The following L3MBTL3 variants were observed in gnomAD, a reference collection of about 807,000 sequenced individuals.
The protein encoded by L3MBTL3 is lethal(3)malignant brain tumor-like protein 3.
Under a neutral mutation model 102.3 loss-of-function variants are expected in L3MBTL3, and 27 were observed. The observed-to-expected ratio is 0.26, with a 90% CI of 0.19 to 0.36. The LOEUF is 0.36. Among genes scored for constraint, L3MBTL3 ranks in the 10% least tolerant of loss-of-function variants. The pLI, the probability that L3MBTL3 is intolerant of heterozygous loss-of-function variation, is 1.00. For missense variants in L3MBTL3, 798 were observed against 955.3 expected (o/e 0.84, Z 2.17); for synonymous variants, 340 against 320.9 (o/e 1.06, Z -0.64).
intron 3 of L3MBTL3, among the ~76,000 whole-genome samples, chr6:130,047,995 A>G (rs1780831799): frequency 1.3e-5 from 2 of 152,206 alleles, no homozygotes; most frequent in Admixed American, 1.3e-4. Flanking sequence ...ACATTCTCAC[A>G]TTCCTTAACC....
intron 18 of L3MBTL3, among the ~76,000 whole-genome samples, chr6:130,098,773 AG>A (rs1784506210): frequency 6.6e-6 from 1 of 151,804 alleles, no homozygotes; most frequent in African/African-American, 2.4e-5. Context: ...AATTCAACCC[AG>A]GCTTGTAAGG....
intron 7 of L3MBTL3, chr6:130,054,970 C>T (rs749386422): frequency 8.6e-5 from 45 of 521,808 alleles, no homozygotes; most frequent in Non-Finnish European, 1.3e-4. Flanking sequence ...ACCGGTAACA[C>T]GTGGATACAG....
chr6:130,027,323 A>G (rs1183588637), intron 2 of L3MBTL3, among the ~76,000 whole-genome samples: 1 of 152,202 alleles, frequency 6.6e-6, no homozygotes, highest in Non-Finnish European at 1.5e-5. Flanking sequence ...ATAGCTTTAT[A>G]TTACATAAAT....
chr6:130,046,888 T>C (rs1182852420), intron 3 of L3MBTL3, among the ~76,000 whole-genome samples: 1 of 152,246 alleles, frequency 6.6e-6, no homozygotes, highest in African/African-American at 2.4e-5. Flanking sequence ...TCTGGAATTC[T>C]GTCTGTAGGA....
intron 22 of L3MBTL3, among the ~76,000 whole-genome samples, chr6:130,136,427 C>T (rs1787667775): frequency 6.6e-6 from 1 of 152,098 alleles, no homozygotes; most frequent in African/African-American, 2.4e-5. Context: ...CAGGCTTGCT[C>T]CCGCTCCTCC....
intron 19 of L3MBTL3, among the ~76,000 whole-genome samples, chr6:130,120,621 A>G (rs550840891): frequency 9.8e-5 from 15 of 152,366 alleles, no homozygotes; most frequent in South Asian, 2.1e-4. Flanking sequence ...CAATAGCTAC[A>G]TTTTCCAGAA....
chr6:130,066,559 G>A, intron 11 of L3MBTL3, 71 bp downstream of exon 11: 1 of 1,351,944 alleles, frequency 7.4e-7, no homozygotes, highest in South Asian at 1.3e-5. Context: ...CATTAGAATT[G>A]TTAAGAATTC....
chr6:130,079,659 T>C (rs1562292899), intron 14 of L3MBTL3, among the ~76,000 whole-genome samples: 1 of 152,142 alleles, frequency 6.6e-6, no homozygotes, highest in Non-Finnish European at 1.5e-5. Flanking sequence ...CTGGGTTTAC[T>C]AGGAGCTGTT....
At chr6:130,135,050 A>G (rs1787478616) in intron 22 of L3MBTL3, among the ~76,000 whole-genome samples, 1 of 147,932 alleles carries the variant, frequency 6.8e-6, no homozygotes, top group South Asian at 2.1e-4. Flanking sequence ...TGATACTCTC[A>G]ATTCATTTTC....
chr6:130,134,350 T>C (rs1787386695), intron 22 of L3MBTL3, among the ~76,000 whole-genome samples: 1 of 152,330 alleles, frequency 6.6e-6, no homozygotes, highest in South Asian at 2.1e-4. Context: ...ATTAGCATTA[T>C]GTCTAAAAAA....
intron 1 of L3MBTL3, among the ~76,000 whole-genome samples, chr6:130,020,106 G>T (rs953612376): frequency 4.6e-5 from 7 of 151,102 alleles, no homozygotes; most frequent in African/African-American, 1.5e-4. Flanking sequence ...GAGGAAAAGA[G>T]GGGTCGGGGC....
chr6:130,071,559 A>G (rs1782644165), intron 13 of L3MBTL3, among the ~76,000 whole-genome samples: 2 of 152,026 alleles, frequency 1.3e-5, no homozygotes, highest in African/African-American at 4.8e-5. Flanking sequence ...ATATAATTAT[A>G]AAATAATTAT....
At position 130,133,410 on chromosome 6, in the gene L3MBTL3, C is replaced by G; in HGVS notation, c.1967-42C>G. 6.2e-7 allele frequency: 1 copy of G among 1,600,784 alleles called. No individual in the cohort carries two copies. The highest frequency in any genetic ancestry group is 8.5e-7 in the Non-Finnish European group (1 of 1,171,120). ...ATGCACGGCATTTGGGGCTTTCTTG[C>G]TGCTTTCAGAGAGTGATTTCCCATT... On this transcript the variant is annotated intron_variant, in intron 20 of 22. Transcript: ENST00000361794. This position sits in a 1 kb window ranked among gnomAD's most constrained non-coding sequence, Gnocchi z 4.9.
At chr6:130,062,861 ATCTC>A (rs1380526432) in intron 10 of L3MBTL3, among the ~76,000 whole-genome samples, 1 of 150,880 alleles carries the variant, frequency 6.6e-6, no homozygotes, top group East Asian at 1.9e-4. Flanking sequence ...TCTAGGATCT[ATCTC>A]TAGAATTGCA....
At chr6:130,099,949 A>G (rs1280593489) in intron 18 of L3MBTL3, among the ~76,000 whole-genome samples, 1 of 152,228 alleles carries the variant, frequency 6.6e-6, no homozygotes, top group African/African-American at 2.4e-5. Context: ...AGGCAGTGGC[A>G]TCTTGCTAGA....
chr6:130,135,924 A>G (rs1232292129), intron 22 of L3MBTL3, among the ~76,000 whole-genome samples: 1 of 152,224 alleles, frequency 6.6e-6, no homozygotes, highest in Non-Finnish European at 1.5e-5. Flanking sequence ...CATAGTACAA[A>G]TCTAACCGAA....
At chr6:130,022,489 G>T (rs1218268200) in intron 2 of L3MBTL3, among the ~76,000 whole-genome samples, 184 bp downstream of exon 2, 1 of 152,188 alleles carries the variant, frequency 6.6e-6, no homozygotes, top group Non-Finnish European at 1.5e-5. Flanking sequence ...ACATTAGGAA[G>T]TTAGGAGATT....
intron 2 of L3MBTL3, among the ~76,000 whole-genome samples, chr6:130,036,004 G>A (rs867609267): frequency 6.7e-6 from 1 of 150,098 alleles, no homozygotes; most frequent in Non-Finnish European, 1.5e-5. Context: ...GTGTGTGTGT[G>A]TGTGTGTGTG....
intron 8 of L3MBTL3, 135 bp downstream of exon 8, chr6:130,055,390 T>C: frequency 3.1e-6 from 2 of 655,246 alleles, no homozygotes; most frequent in Non-Finnish European, 5.2e-6. Context: ...AATAAAGATT[T>C]GAGATTTTGA....
Sources: allele counts gnomAD v4.1 joint callset (sites outside exome capture counted in the v4.1 genomes callset), GRCh38; gene constraint gnomAD v4.1.1; non-coding constraint Gnocchi (gnomAD v3.1); transcripts MANE v1.5; gene names NCBI Gene and HGNC (gene_info 2026-07-23, HGNC 2026-07-21).